The following POFUT3 variants were observed in gnomAD, a reference collection of about 807,000 sequenced individuals.
The protein encoded by POFUT3 is GDP-fucose protein O-fucosyltransferase 3.
the POFUT3 span, among the ~76,000 whole-genome samples, chr8:33,359,167 T>C: frequency 1.3e-5 from 2 of 152,172 alleles, no homozygotes; most frequent in African/African-American, 2.4e-5. Context: ...ATGATGCAAA[T>C]GTGGCAAGAT....
At chr8:33,350,929 A>G in the POFUT3 span, among the ~76,000 whole-genome samples, 190 of 152,296 alleles carry the variant, frequency 1.2e-3, no homozygotes, top group Admixed American at 3.9e-3. Flanking sequence ...TAAATGTGAA[A>G]TGGGTGCACT....
chr8:33,331,544 G>A, the POFUT3 span, among the ~76,000 whole-genome samples: 5 of 151,908 alleles, frequency 3.3e-5, no homozygotes, highest in South Asian at 2.1e-4. Context: ...AAGTATTACC[G>A]GGGGCAGTGG....
At chr8:33,445,181 G>C in the POFUT3 span, among the ~76,000 whole-genome samples, 2 of 152,020 alleles carry the variant, frequency 1.3e-5, no homozygotes, top group African/African-American at 4.8e-5. Context: ...CAATCTGCCT[G>C]CCTTGGCCTC....
At chr8:33,376,152 T>C in the POFUT3 span, among the ~76,000 whole-genome samples, 1 of 152,164 alleles carries the variant, frequency 6.6e-6, no homozygotes, top group South Asian at 2.1e-4. Flanking sequence ...GACTGCTGTT[T>C]TTGTTAATTA....
At chr8:33,380,244 A>AC in the POFUT3 span, among the ~76,000 whole-genome samples, 1 of 105,566 alleles carries the variant, frequency 9.5e-6, no homozygotes, top group Non-Finnish European at 1.8e-5. Context: ...ATATATATAT[A>AC]TACTATATAT....
chr8:33,378,631 C>T, the POFUT3 span, among the ~76,000 whole-genome samples: 6 of 152,100 alleles, frequency 3.9e-5, no homozygotes, highest in Admixed American at 3.3e-4. Flanking sequence ...CAGGAGTTTG[C>T]TGGTGGGGAG....
At chr8:33,356,874 T>C in the POFUT3 span, among the ~76,000 whole-genome samples, 3 of 152,192 alleles carry the variant, frequency 2.0e-5, no homozygotes, top group African/African-American at 7.2e-5. Context: ...GGATCCAGTT[T>C]CAGCTTTCTC....
chr8:33,469,092 G>T, the POFUT3 span, among the ~76,000 whole-genome samples: 24 of 152,146 alleles, frequency 1.6e-4, no homozygotes, highest in African/African-American at 5.8e-4. Flanking sequence ...GATTTCTTGA[G>T]GCCAGGAGTT....
the POFUT3 span, among the ~76,000 whole-genome samples, chr8:33,318,731 T>A: frequency 1.3e-5 from 1 of 75,268 alleles, no homozygotes; most frequent in African/African-American, 5.6e-5. Context: ...TATATATATT[T>A]TATATATATT....
chr8:33,329,974 C>CTAA, the POFUT3 span, among the ~76,000 whole-genome samples: 308 of 151,836 alleles, frequency 2.0e-3, 1 homozygote, highest in African/African-American at 6.7e-3. Context: ...TACCCTTTAA[C>CTAA]TAATAATAAT....
chr8:33,392,569 ACT>A, the POFUT3 span, among the ~76,000 whole-genome samples: 3 of 152,008 alleles, frequency 2.0e-5, no homozygotes. Flanking sequence ...ACAGAGCGAG[ACT>A]CTGTCTCAAA....
the POFUT3 span, among the ~76,000 whole-genome samples, chr8:33,469,315 GCAAAAA>G: frequency 3.9e-5 from 6 of 152,098 alleles, no homozygotes; most frequent in Non-Finnish European, 7.4e-5. Flanking sequence ...CGAAAAAAAA[GCAAAAA>G]CAAAAACAAA....
the POFUT3 span, among the ~76,000 whole-genome samples, chr8:33,369,069 C>CT: frequency 2.0e-5 from 3 of 152,152 alleles, no homozygotes; most frequent in Admixed American, 6.6e-5. Flanking sequence ...CAACGATTCC[C>CT]TTTTTCTGGA....
the POFUT3 span, chr8:33,372,737 G>C: frequency 6.2e-7 from 1 of 1,614,072 alleles, no homozygotes; most frequent in Non-Finnish European, 8.5e-7. Flanking sequence ...TGGTGAGAAA[G>C]CAAACACTGT....
the POFUT3 span, chr8:33,455,649 G>C: frequency 3.0e-6 from 1 of 330,780 alleles, no homozygotes; most frequent in African/African-American, 2.2e-5. Context: ...CAAATACAGC[G>C]TTAAAGCAGT....
the POFUT3 span, among the ~76,000 whole-genome samples, chr8:33,465,429 T>C: frequency 6.8e-6 from 1 of 147,044 alleles, no homozygotes; most frequent in Admixed American, 6.8e-5. Context: ...CATATATATA[T>C]AGAGAGAGAG....
the POFUT3 span, among the ~76,000 whole-genome samples, chr8:33,374,303 C>T: frequency 1.6e-3 from 239 of 152,262 alleles, 1 homozygote; most frequent in Non-Finnish European, 2.6e-3. Flanking sequence ...AATGAGAACA[C>T]GTTTACCTCT....
At chr8:33,366,133 C>T in the POFUT3 span, among the ~76,000 whole-genome samples, 6 of 152,300 alleles carry the variant, frequency 3.9e-5, no homozygotes, top group South Asian at 2.1e-4. Flanking sequence ...TGGAAACCAT[C>T]GTTCTCAGCA....
the POFUT3 span, among the ~76,000 whole-genome samples, chr8:33,420,947 T>A: frequency 0.5 from 75,929 of 151,292 alleles, 19,494 homozygotes; most frequent in Non-Finnish European, 0.56. Context: ...AAATTAAATT[T>A]AAAAAAAGAA....
Sources: allele counts gnomAD v4.1 joint callset (sites outside exome capture counted in the v4.1 genomes callset), GRCh38; gene constraint gnomAD v4.1.1; transcripts MANE v1.5; gene names NCBI Gene and HGNC (gene_info 2026-07-23, HGNC 2026-07-21).